ZDHHC14: variants seen among roughly 807,000 people sequenced by gnomAD.
The protein encoded by ZDHHC14 is palmitoyltransferase ZDHHC14.
In ZDHHC14, 16 loss-of-function variants were observed where a neutral mutation model predicts 47.7. That is an observed-to-expected ratio of 0.34 (90% CI 0.23 to 0.51). The LOEUF is 0.51. ZDHHC14 is among the 20% of genes least tolerant of loss of function. The pLI, the probability that ZDHHC14 is intolerant of heterozygous loss-of-function variation, is 0.97. For synonymous variants in ZDHHC14, 293 were observed against 278.9 expected, an observed-to-expected ratio of 1.05 and a Z score of -0.50; for missense variants, 515 against 662.5, an observed-to-expected ratio of 0.78 and a Z score of 2.44.
At chr6:157,654,241 C>T (rs555162845) in intron 8 of ZDHHC14, among the ~76,000 whole-genome samples, 1 of 152,120 alleles carries the variant, frequency 6.6e-6, no homozygotes, top group Admixed American at 6.6e-5. Flanking sequence ...GTGCAGGTTT[C>T]CAGCGTGCAG....
intron 1 of ZDHHC14, among the ~76,000 whole-genome samples, chr6:157,499,195 T>C (rs1780138313): frequency 6.6e-6 from 1 of 152,204 alleles, no homozygotes; most frequent in South Asian, 2.1e-4. Flanking sequence ...CATCTTTTGC[T>C]GTGGAGCTGT....
chr6:157,632,411 T>C (rs1785786695), intron 4 of ZDHHC14: 2 of 175,042 alleles, frequency 1.1e-5, no homozygotes, highest in Admixed American at 5.6e-5. Context: ...TTGTTTACTC[T>C]GGGTGTAGAA....
intron 2 of ZDHHC14, among the ~76,000 whole-genome samples, chr6:157,587,380 C>A (rs946189744): frequency 2.0e-5 from 3 of 152,214 alleles, no homozygotes; most frequent in African/African-American, 7.2e-5. Context: ...ATTGCAGAAT[C>A]AGTTGCAAGG....
At chr6:157,484,269 G>T (rs942254630) in intron 1 of ZDHHC14, among the ~76,000 whole-genome samples, 65 of 131,466 alleles carry the variant, frequency 4.9e-4, no homozygotes, top group Non-Finnish European at 9.6e-4. Context: ...ATATATATAT[G>T]TATATATACG....
intron 1 of ZDHHC14, among the ~76,000 whole-genome samples, chr6:157,402,983 C>T (rs1280954565): frequency 1.3e-5 from 2 of 152,236 alleles, no homozygotes; most frequent in African/African-American, 4.8e-5. Context: ...GATCCGCCCG[C>T]ATCTGCCTCC....
At chr6:157,590,816 A>G (rs989216133) in intron 2 of ZDHHC14, among the ~76,000 whole-genome samples, 26 of 152,198 alleles carry the variant, frequency 1.7e-4, no homozygotes, top group Non-Finnish European at 1.2e-4. Flanking sequence ...AACGCTGAAG[A>G]CATTCAACTC....
At chr6:157,610,243 G>A (rs949154412) in intron 3 of ZDHHC14, among the ~76,000 whole-genome samples, 2 of 152,124 alleles carry the variant, frequency 1.3e-5, no homozygotes, top group South Asian at 2.1e-4. Context: ...GGGAGATCAA[G>A]ACCACGGTGA....
chr6:157,672,662 T>G, intron 8 of ZDHHC14, 62 bp from the exon 9 acceptor site: 12 of 772,042 alleles, frequency 1.6e-5, no homozygotes, highest in East Asian at 1.5e-4. Context: ...CCCATCCCTG[T>G]CCCTCCCCAC....
intron 1 of ZDHHC14, among the ~76,000 whole-genome samples, chr6:157,524,971 T>C (rs1361027892): frequency 6.6e-6 from 1 of 152,180 alleles, no homozygotes; most frequent in African/African-American, 2.4e-5. Flanking sequence ...GTTTCTTGGA[T>C]GTGGCTTAGC....
chr6:157,381,516 C>A lies in ZDHHC14; in HGVS notation c.-506C>A, dbSNP rs773894600. 4.9e-6 allele frequency: 2 copies of A among 406,118 alleles called. No individual in the cohort carries two copies. Among genetic ancestry groups the A allele is most frequent in the South Asian group, 3.3e-5 (2 of 60,184 alleles). 25.2% of individuals were successfully genotyped at this position (406,118 alleles called of 1,614,324 possible). On this transcript the variant is annotated 5_prime_UTR_variant, in exon 1 of 9. The change creates a new upstream start codon in the 5' untranslated region. Transcript: ENST00000359775. ...CAGCGCTCTCTCCTGGGAGGATCCG[C>A]TGCCGGAGGAAGGAGTGGACCCAAC...
At chr6:157,490,698 A>G (rs1459944375) in intron 1 of ZDHHC14, among the ~76,000 whole-genome samples, 1 of 152,174 alleles carries the variant, frequency 6.6e-6, no homozygotes, top group Non-Finnish European at 1.5e-5. Context: ...ATTGCCTTGT[A>G]GAGAAGACAA....
chr6:157,673,421 C>G lies in ZDHHC14; in HGVS notation c.*299C>G, dbSNP rs1778898795. ...TGGAATCGGAGTGTGTCTGCCCGCC[C>G]TTGTGACAGACACACGGAAGGCTTC... On this transcript the variant is annotated 3_prime_UTR_variant, in exon 9 of 9. Transcript: ENST00000359775. This position sits in a 1 kb window ranked among gnomAD's most constrained non-coding sequence, Gnocchi z 5.4. 1 of 451,958 alleles carries G rather than the reference C, an allele frequency of 2.2e-6. No homozygotes were observed. The highest frequency in any genetic ancestry group is 4.5e-5 in the Admixed American group (1 of 22,470). 28.0% of individuals were successfully genotyped at this position (451,958 alleles called of 1,614,324 possible).
intron 2 of ZDHHC14, among the ~76,000 whole-genome samples, chr6:157,548,686 T>A (rs949750090): frequency 6.6e-6 from 1 of 152,218 alleles, no homozygotes; most frequent in Non-Finnish European, 1.5e-5. Flanking sequence ...CCTCAGATGA[T>A]CTGCCCGCCT....
At chr6:157,652,759 C>T (rs547103360) in intron 7 of ZDHHC14, among the ~76,000 whole-genome samples, 4 of 152,328 alleles carry the variant, frequency 2.6e-5, no homozygotes, top group Non-Finnish European at 4.4e-5. Flanking sequence ...TTGCCCTCCA[C>T]GCTCTGTGAC....
chr6:157,540,091 C>T (rs573176923), intron 1 of ZDHHC14, among the ~76,000 whole-genome samples: 2 of 152,306 alleles, frequency 1.3e-5, no homozygotes, highest in East Asian at 1.9e-4. Context: ...GGCAGTAGGC[C>T]TCCCCGCGTC....
chr6:157,569,521 T>C (rs1009316716), intron 2 of ZDHHC14, among the ~76,000 whole-genome samples: 1 of 152,190 alleles, frequency 6.6e-6, no homozygotes, highest in Non-Finnish European at 1.5e-5. Context: ...TTTCCCCTTA[T>C]TATTTTACTT....
intron 5 of ZDHHC14, among the ~76,000 whole-genome samples, chr6:157,644,666 A>T (rs1452318998): frequency 6.6e-6 from 1 of 152,218 alleles, no homozygotes; most frequent in Non-Finnish European, 1.5e-5. Context: ...TCCAGCCTGG[A>T]GAAGATCATC....
rs531563948 is a variant in ZDHHC14, at chr6:157,638,133, CTG to C, written c.752+5254_752+5255del. On this transcript the variant is annotated intron_variant, in intron 5 of 8. Transcript: ENST00000359775. ...GGGGAGTAGAGGAGGCCCTAGATGA[CTG>C]TGACAGAATGCCTGACTCATTTTCA... 1.1e-3 allele frequency among the ~76,000 whole-genome samples: 164 copies of C among 152,234 alleles called. 1 individual carries two copies. The highest frequency in any genetic ancestry group is 2.0e-3 in the Non-Finnish European group (136 of 68,002).
intron 1 of ZDHHC14, among the ~76,000 whole-genome samples, chr6:157,400,521 T>C (rs1410918149): frequency 2.0e-5 from 3 of 152,226 alleles, no homozygotes; most frequent in African/African-American, 7.2e-5. Context: ...CCATGTGTAG[T>C]GAACTCTATT....
Sources: gnomAD v4.1 joint callset for allele counts (sites outside exome capture counted in the v4.1 genomes callset) on GRCh38, gnomAD v4.1.1 for gene constraint, Gnocchi (gnomAD v3.1) non-coding constraint, MANE v1.5 for transcripts, NCBI Gene and HGNC (gene_info 2026-07-23, HGNC 2026-07-21) for gene names.